The following XRCC4 variants were observed in gnomAD, a reference collection of about 807,000 sequenced individuals.
XRCC4 encodes the protein X-ray repair cross complementing 4.
Under a neutral mutation model 39.1 loss-of-function variants are expected in XRCC4, and 28 were observed. That is an observed-to-expected ratio of 0.72 (90% CI 0.53 to 0.98). The LOEUF (loss-of-function observed/expected upper bound fraction) is 0.98. Ranked by LOEUF, XRCC4 falls within the 50% of genes least tolerant of loss-of-function variation. XRCC4 has a pLI of 0.00. For missense variants in XRCC4, 350 were observed against 376.4 expected (o/e 0.93, Z 0.58); for synonymous variants, 123 against 126.4 (o/e 0.97, Z 0.18).
chr5:83,118,338 T>C (rs576391130), intron 3 of XRCC4, among the ~76,000 whole-genome samples: 115 of 151,966 alleles, frequency 7.6e-4, no homozygotes, highest in Non-Finnish European at 7.9e-4. Flanking sequence ...GTCACACTTT[T>C]TTGCCTAGTC....
At chr5:83,225,753 C>G (rs1400541533) in intron 6 of XRCC4, among the ~76,000 whole-genome samples, 1 of 151,790 alleles carries the variant, frequency 6.6e-6, no homozygotes, top group Non-Finnish European at 1.5e-5. Flanking sequence ...CATTGGAAAC[C>G]AGGCTATCAA....
chr5:83,305,547 T>G (rs1331002832), intron 7 of XRCC4, among the ~76,000 whole-genome samples: 1 of 151,834 alleles, frequency 6.6e-6, no homozygotes, highest in Non-Finnish European at 1.5e-5. Flanking sequence ...AAAGAACTTC[T>G]GTTCTGAGGA....
intron 1 of XRCC4, among the ~76,000 whole-genome samples, chr5:83,087,684 T>C (rs561802674): frequency 6.6e-6 from 1 of 151,994 alleles, no homozygotes; most frequent in African/African-American, 2.4e-5. Context: ...ATTTTTTTTT[T>C]CCTGGTCATA....
At chr5:83,281,461 G>A (rs1754533886) in intron 7 of XRCC4, among the ~76,000 whole-genome samples, 1 of 151,814 alleles carries the variant, frequency 6.6e-6, no homozygotes, top group African/African-American at 2.4e-5. Flanking sequence ...GCAAAATGCA[G>A]CTCACATATG....
chr5:83,123,950 G>C (rs12186460), intron 3 of XRCC4, among the ~76,000 whole-genome samples: 86,460 of 151,842 alleles, frequency 0.57, 25,395 homozygotes, highest in African/African-American at 0.71. Context: ...TAACTTTAGA[G>C]TCGAAAAGTT....
intron 4 of XRCC4, chr5:83,202,094 T>C (rs1751228006): frequency 6.7e-6 from 1 of 149,446 alleles, no homozygotes; most frequent in Non-Finnish European, 1.5e-5. Flanking sequence ...CTCTTTGGCC[T>C]CTGGGCAAAA....
chr5:83,156,143 A>G (rs1403989450), intron 3 of XRCC4, among the ~76,000 whole-genome samples: 1 of 152,124 alleles, frequency 6.6e-6, no homozygotes, highest in East Asian at 1.9e-4. Flanking sequence ...ATTTACTTAA[A>G]GAGTTATGAA....
At chr5:83,215,427 G>T (rs998999874) in intron 6 of XRCC4, among the ~76,000 whole-genome samples, 2 of 152,122 alleles carry the variant, frequency 1.3e-5, no homozygotes, top group Admixed American at 1.3e-4. Flanking sequence ...ATCCCAGCTG[G>T]TTTTTTAGCA....
chr5:83,098,224 A>G (rs1227801365), intron 1 of XRCC4, among the ~76,000 whole-genome samples: 1 of 152,080 alleles, frequency 6.6e-6, no homozygotes, highest in Non-Finnish European at 1.5e-5. Flanking sequence ...TTCTAGACTT[A>G]TTTTATAGTA....
intron 6 of XRCC4, among the ~76,000 whole-genome samples, chr5:83,229,107 A>G (rs1752397845): frequency 6.6e-6 from 1 of 152,102 alleles, no homozygotes; most frequent in African/African-American, 2.4e-5. Flanking sequence ...AAACAACTCT[A>G]GAATTTAAAC....
chr5:83,170,030 C>A (rs186206547), intron 3 of XRCC4, among the ~76,000 whole-genome samples: 15 of 152,078 alleles, frequency 9.9e-5, no homozygotes, highest in Non-Finnish European at 1.8e-4. Flanking sequence ...GAAACTTAGC[C>A]ATTTTTTCTA....
At chr5:83,300,769 C>T (rs374848322) in intron 7 of XRCC4, among the ~76,000 whole-genome samples, 16 of 151,510 alleles carry the variant, frequency 1.1e-4, no homozygotes, top group African/African-American at 2.7e-4. Flanking sequence ...TGTGATGTTC[C>T]GCTCCTTGTG....
chr5:83,370,401 T>C, the XRCC4 span, among the ~76,000 whole-genome samples: 1 of 152,138 alleles, frequency 6.6e-6, no homozygotes, highest in Non-Finnish European at 1.5e-5. Flanking sequence ...ACATCTTGCA[T>C]TGTGGCTCAA....
intron 6 of XRCC4, among the ~76,000 whole-genome samples, chr5:83,242,843 C>T (rs1008148804): frequency 6.6e-6 from 1 of 152,068 alleles, no homozygotes; most frequent in East Asian, 1.9e-4. Flanking sequence ...ATAGTTTACT[C>T]ACAACAAAAA....
At chr5:83,220,922 G>C (rs6873492) in intron 6 of XRCC4, among the ~76,000 whole-genome samples, 6,587 of 151,900 alleles carry the variant, frequency 0.043, 454 homozygotes, top group African/African-American at 0.15. Flanking sequence ...TTTCTTTTTC[G>C]GTGACATCAG....
At chr5:83,335,276 T>A (rs1333367991) in intron 7 of XRCC4, among the ~76,000 whole-genome samples, 2 of 151,852 alleles carry the variant, frequency 1.3e-5, no homozygotes, top group African/African-American at 2.4e-5. Flanking sequence ...AGCAATCAAC[T>A]CAATTTTCGT....
chr5:83,276,351 T>C (rs1244899223), intron 7 of XRCC4, among the ~76,000 whole-genome samples: 1 of 150,118 alleles, frequency 6.7e-6, no homozygotes, highest in East Asian at 2.2e-4. Context: ...CATGATGAAA[T>C]TTAATCCCAA....
At chr5:83,114,516 A>G (rs1217162997) in intron 3 of XRCC4, among the ~76,000 whole-genome samples, 4 of 152,224 alleles carry the variant, frequency 2.6e-5, no homozygotes, top group African/African-American at 4.8e-5. Flanking sequence ...TTGCATAGCA[A>G]GAGTGACCTT....
intron 7 of XRCC4, among the ~76,000 whole-genome samples, chr5:83,278,896 G>C (rs551870118): frequency 6.7e-6 from 1 of 150,254 alleles, no homozygotes; most frequent in Non-Finnish European, 1.5e-5. Flanking sequence ...GCTGAGGCAG[G>C]AGAATTGCTT....
Sources: allele counts gnomAD v4.1 joint callset (sites outside exome capture counted in the v4.1 genomes callset), GRCh38; gene constraint gnomAD v4.1.1; transcripts MANE v1.5; gene names NCBI Gene and HGNC (gene_info 2026-07-23, HGNC 2026-07-21).